Variants in ATP6V0A2 observed in about 807,000 individuals in gnomAD.
The protein encoded by ATP6V0A2 is V-type proton ATPase 116 kDa subunit a 2.
In ATP6V0A2, 58 loss-of-function variants were observed where a neutral mutation model predicts 104.4. That is an observed-to-expected ratio of 0.56 (90% CI 0.45 to 0.69). The LOEUF (loss-of-function observed/expected upper bound fraction) is 0.69. ATP6V0A2 is among the 30% of genes least tolerant of loss of function. ATP6V0A2 has a pLI of 0.00. For missense variants in ATP6V0A2, 938 were observed against 1,062.9 expected, an observed-to-expected ratio of 0.88 and a Z score of 1.63; for synonymous variants, 376 against 397.9, an observed-to-expected ratio of 0.95 and a Z score of 0.65.
chr12:123,713,245 G>A (rs1956309426), intron 1 of ATP6V0A2, among the ~76,000 whole-genome samples: 1 of 151,910 alleles, frequency 6.6e-6, no homozygotes, highest in Non-Finnish European at 1.5e-5. Flanking sequence ...CCCAGACAGA[G>A]CCAGAAATGG....
chr12:123,731,194 C>T (rs879250552), intron 6 of ATP6V0A2: 1 of 152,212 alleles, frequency 6.6e-6, no homozygotes, highest in African/African-American at 2.4e-5. Flanking sequence ...CTCGCAGTCT[C>T]CTATTCTGAG....
At position 123,727,875 on chromosome 12, in the gene ATP6V0A2, C is replaced by T. The variant is rs143802431; in HGVS notation, c.614C>T (p.Ala205Val). The change falls in exon 6 of 20, where the codon GCA becomes GTA. Residue 205 changes from alanine to valine, a missense_variant. Ala to Val is a moderately conservative substitution (Grantham distance 64). Coordinates refer to ENST00000330342, the MANE Select transcript of ATP6V0A2 (RefSeq NM_012463.4). ...AAAGGGTACACCATCGTGTCCTATG[C>T]AGAACTGGATGAATCCCTTGAAGAC... ...VCKGYTIVSY[A>V]ELDESLEDPE... The T allele has an allele frequency of 3.8e-4, 618 of 1,614,074 alleles. 1 individual carries two copies. The Middle Eastern group carries it at 8.9e-3, about 23-fold the overall frequency.
intron 17 of ATP6V0A2, 57 bp downstream of exon 17, chr12:123,752,459 G>T: frequency 5.0e-6 from 8 of 1,594,910 alleles, no homozygotes; most frequent in Non-Finnish European, 6.9e-6. Context: ...CTTCCATAGA[G>T]ATAATCATGT....
At chr12:123,741,291 T>C (rs1028872646) in intron 9 of ATP6V0A2, among the ~76,000 whole-genome samples, 2 of 151,136 alleles carry the variant, frequency 1.3e-5, no homozygotes, top group Non-Finnish European at 2.9e-5. Context: ...AAATACACAA[T>C]AGAAAAAAAA....
intron 1 of ATP6V0A2, among the ~76,000 whole-genome samples, chr12:123,715,592 C>T (rs996770632): frequency 2.0e-5 from 3 of 152,118 alleles, no homozygotes; most frequent in African/African-American, 7.2e-5. Flanking sequence ...AATTTCGTGT[C>T]TTAAATGGCT....
intron 1 of ATP6V0A2, among the ~76,000 whole-genome samples, chr12:123,713,175 AAGG>A (rs1209527016): frequency 1.3e-5 from 2 of 151,978 alleles, no homozygotes; most frequent in African/African-American, 4.8e-5. Context: ...CCCAAATAGA[AAGG>A]AGCCAGCCGT....
rs564348730 is a variant in ATP6V0A2 at position 123,743,698 on chromosome 12, A to T, written c.1039-87A>T. ...CAACACCACCAAAAAAAACCAAAAA[A>T]CAAAGCAGTAACCCAGATTCGTTGA... is the stretch of plus-strand genomic sequence containing the variant. On this transcript the variant is annotated intron_variant, in intron 9 of 19. Coordinates refer to ENST00000330342, the MANE Select transcript of ATP6V0A2 (RefSeq NM_012463.4). The T allele has an allele frequency of 1.1e-4, 175 of 1,522,126 alleles. No homozygotes were observed. In the South Asian group the frequency reaches 1.9e-3, roughly 17 times the overall value. 94.3% of individuals were successfully genotyped at this position (1,522,126 alleles called of 1,614,324 possible).
At position 123,735,602 on chromosome 12, in the gene ATP6V0A2, C is replaced by G. The variant is rs1316176660; in HGVS notation, c.803C>G (p.Thr268Ser). 8.7e-6 allele frequency: 14 copies of G among 1,614,002 alleles called. No individual in the cohort carries two copies. The highest frequency in any genetic ancestry group is 1.7e-5 in the Admixed American group (1 of 60,014). ...AGGGAGATCCAGGAGGGGCTGAACA[C>G]CCGCATCCAGGATCTCTACACTGTG... ...ERREIQEGLN[T>S]RIQDLYTVLH... Residue 268 changes from threonine to serine, a missense_variant, in exon 8 of 20, where the codon ACC becomes AGC. By Grantham distance (58) the Thr-to-Ser change is moderately conservative (BLOSUM62 1). Transcript: ENST00000330342.
chr12:123,725,743 G>A (rs1013409313), intron 4 of ATP6V0A2, among the ~76,000 whole-genome samples: 4 of 150,756 alleles, frequency 2.7e-5, no homozygotes, highest in South Asian at 2.1e-4. Context: ...CTATGATTGC[G>A]CCACTGCACT....
chr12:123,729,711 TG>T (rs1315201921), intron 6 of ATP6V0A2, among the ~76,000 whole-genome samples: 3 of 152,184 alleles, frequency 2.0e-5, no homozygotes, highest in African/African-American at 4.8e-5. Flanking sequence ...GAGGAAAGGT[TG>T]TTTTTTTTCT....
At chr12:123,745,805 G>A (rs905808623) in intron 13 of ATP6V0A2, among the ~76,000 whole-genome samples, 2 of 152,136 alleles carry the variant, frequency 1.3e-5, no homozygotes, top group Non-Finnish European at 2.9e-5. Flanking sequence ...GCAGTGGACT[G>A]CAGGGTTGGG....
chr12:123,727,065 AT>A (rs945223076), intron 5 of ATP6V0A2, among the ~76,000 whole-genome samples: 2 of 151,932 alleles, frequency 1.3e-5, no homozygotes. Flanking sequence ...TGCAAGGTAG[AT>A]TTTTTTTCTG....
At position 123,750,934 on chromosome 12, in the gene ATP6V0A2, A is replaced by G. The variant is rs1956708064; in HGVS notation, c.1936-176A>G. 5.4e-6 allele frequency: 4 copies of G among 746,066 alleles called. No homozygotes were observed. The East Asian group carries it at 1.1e-4, about 20-fold the overall frequency. The allele number at this position is 746,066 out of a possible 1,614,324, so 46.2% of individuals were successfully genotyped here. A position where few individuals can be genotyped will look rare whatever the true frequency, so the allele number is the denominator to read the frequency against. ...CATTAATGTTATTCATCAGTTCTAG[A>G]ATTCAGCTATGAGTTTAGGAAAAGA... On this transcript the variant is annotated intron_variant, in intron 15 of 19. Coordinates refer to ENST00000330342, the MANE Select transcript of ATP6V0A2 (RefSeq NM_012463.4).
chr12:123,727,662 G>GT (rs1340016609), intron 5 of ATP6V0A2, 121 bp from the exon 6 acceptor site: 3 of 1,204,290 alleles, frequency 2.5e-6, no homozygotes, highest in Non-Finnish European at 2.4e-6. Context: ...ATGTTTTGCA[G>GT]TTGGAGGGCT....
At position 123,760,763 on chromosome 12, in the gene ATP6V0A2, A is replaced by T. The variant is rs1466384397; in HGVS notation, c.*2731A>T. 2 of 152,178 alleles carry T rather than the reference A, an allele frequency of 1.3e-5. No individual in the cohort carries two copies. Among genetic ancestry groups the T allele is most frequent in the East Asian group, 3.8e-4 (2 of 5,202 alleles). The allele number at this position is 152,178 out of a possible 1,614,324, so 9.4% of individuals were successfully genotyped here. ...AGGAGTGCAAAGGGTGTTCTGTCTG[A>T]TAGGATCTGGGTGAGCCCTGCGGAC... On this transcript the variant is annotated 3_prime_UTR_variant, in exon 20 of 20. Coordinates refer to ENST00000330342, the MANE Select transcript of ATP6V0A2 (RefSeq NM_012463.4).
chr12:123,729,346 TGGTA>T (rs1555296878), intron 6 of ATP6V0A2, among the ~76,000 whole-genome samples: 2 of 150,792 alleles, frequency 1.3e-5, no homozygotes. Flanking sequence ...GTGCAAATCT[TGGTA>T]TTTTGAAGCC....
At chr12:123,721,601 G>A (rs78988039) in intron 2 of ATP6V0A2, 10 of 212,454 alleles carry the variant, frequency 4.7e-5, no homozygotes, top group African/African-American at 1.2e-4. Context: ...GTCCGGCCAC[G>A]ACTGGCACCA....
chr12:123,716,956 A>AAT (rs1186032439), intron 1 of ATP6V0A2, among the ~76,000 whole-genome samples: 2 of 151,970 alleles, frequency 1.3e-5, no homozygotes, highest in Non-Finnish European at 1.5e-5. Flanking sequence ...GGTTGTCTGG[A>AAT]CATTCCATGT....
At chr12:123,757,244 C>G (rs187123320) in intron 19 of ATP6V0A2, among the ~76,000 whole-genome samples, 1 of 152,198 alleles carries the variant, frequency 6.6e-6, no homozygotes, top group East Asian at 1.9e-4. Flanking sequence ...AGTTCAAGAC[C>G]AGCCTGGACA....
Sources: allele counts gnomAD v4.1 joint callset (sites outside exome capture counted in the v4.1 genomes callset), GRCh38; gene constraint gnomAD v4.1.1; transcripts MANE v1.5; gene names NCBI Gene and HGNC (gene_info 2026-07-23, HGNC 2026-07-21).